Variants in DOCK9 observed in about 807,000 individuals in gnomAD.
The protein encoded by DOCK9 is dedicator of cytokinesis protein 9.
A neutral mutation model predicts 263.3 loss-of-function variants in DOCK9; 89 were observed. The ratio of observed to expected loss-of-function variants is 0.34; its 90% confidence interval spans 0.28 to 0.40. The LOEUF (loss-of-function observed/expected upper bound fraction) is 0.40. DOCK9 is among the 10% of genes least tolerant of loss of function. The probability of loss-of-function intolerance (pLI) is 1.00; values close to 1 mark genes in which losing one functional copy is unlikely to be tolerated. For missense variants in DOCK9, 2,140 were observed against 2,603.4 expected (o/e 0.82, Z 3.87); for synonymous variants, 976 against 973.1 (o/e 1.00, Z -0.06).
At chr13:98,899,609 T>C (rs1037947386) in intron 13 of DOCK9, among the ~76,000 whole-genome samples, 1 of 152,124 alleles carries the variant, frequency 6.6e-6, no homozygotes, top group Non-Finnish European at 1.5e-5. Context: ...GGTGTATGAG[T>C]TATAGGGTAC....
chr13:99,051,322 C>T (rs2040685027), intron 1 of DOCK9, among the ~76,000 whole-genome samples: 1 of 151,998 alleles, frequency 6.6e-6, no homozygotes, highest in African/African-American at 2.4e-5. Flanking sequence ...CTGCTTGAGC[C>T]CACAATGCAG....
intron 13 of DOCK9, 120 bp downstream of exon 13, chr13:98,901,658 C>A (rs1297750548): frequency 1.7e-5 from 20 of 1,159,942 alleles, no homozygotes; most frequent in Non-Finnish European, 2.2e-5. Flanking sequence ...GTAGCATATT[C>A]TACATCTTTT....
At chr13:98,877,196 C>T (rs2043994187) in intron 27 of DOCK9, among the ~76,000 whole-genome samples, 1 of 152,220 alleles carries the variant, frequency 6.6e-6, no homozygotes, top group Admixed American at 6.5e-5. Flanking sequence ...TTGTGTGACC[C>T]TGGGCAGGTC....
At chr13:98,951,883 CT>C (rs1376355882) in intron 2 of DOCK9, among the ~76,000 whole-genome samples, 1 of 147,574 alleles carries the variant, frequency 6.8e-6, no homozygotes, top group Non-Finnish European at 1.5e-5. Context: ...ATCACATGTA[CT>C]TTACTTCATT....
chr13:98,834,048 T>G (rs1400051838), intron 39 of DOCK9, among the ~76,000 whole-genome samples: 1 of 152,220 alleles, frequency 6.6e-6, no homozygotes, highest in Non-Finnish European at 1.5e-5. Context: ...ATTAGAATAA[T>G]ATAAAGGCAT....
At chr13:99,062,601 G>T (rs1221519961) in intron 1 of DOCK9, among the ~76,000 whole-genome samples, 1 of 152,200 alleles carries the variant, frequency 6.6e-6, no homozygotes, top group Non-Finnish European at 1.5e-5. Flanking sequence ...GCACTTGTCT[G>T]CATTCGCTCC....
Position 98,888,385 on chromosome 13 carries a change from T to C in DOCK9, c.1952A>G (p.Tyr651Cys), listed in dbSNP as rs1187294513. 6.2e-7 allele frequency: 1 copy of C among 1,613,690 alleles called. No homozygotes were observed. Among genetic ancestry groups the C allele is most frequent in the Non-Finnish European group, 8.5e-7 (1 of 1,179,686 alleles). The change falls in exon 17 of 53, where the codon TAC (tyrosine) becomes TGC (cysteine). Residue 651 changes from tyrosine (Y) to cysteine (C), a missense_variant. Physicochemically the swap from Tyr to Cys is radical, Grantham distance 194 (BLOSUM62 -2). Around this residue, in one of 2 missense-constraint regions of DOCK9, gnomAD observed 1,521 missense variants for 1,741.7 expected, o/e 0.87. Coordinates refer to ENST00000682017, the MANE Select transcript of DOCK9 (RefSeq NM_001366683.2). The stretch of plus-strand genomic sequence containing the variant: ...CTTGGCAAAAGACTTCTGACTGTCG[T>C]ATTTCAAGTACTTAGGATAAACGTA... ...HLYVYPKYLK[Y>C]DSQKSFAKAR...
At chr13:99,040,986 C>A (rs985276738) in intron 1 of DOCK9, among the ~76,000 whole-genome samples, 6 of 152,168 alleles carry the variant, frequency 3.9e-5, no homozygotes, top group Non-Finnish European at 8.8e-5. Context: ...GTGGGCCCTG[C>A]AGAACCTTTT....
intron 2 of DOCK9, among the ~76,000 whole-genome samples, chr13:98,947,904 C>A (rs1303393795): frequency 1.3e-5 from 2 of 152,156 alleles, no homozygotes; most frequent in Non-Finnish European, 2.9e-5. Flanking sequence ...ACACTGTTGG[C>A]CACTGAATTC....
chr13:98,806,273 A>G (rs1324225413), intron 48 of DOCK9, among the ~76,000 whole-genome samples: 2 of 152,272 alleles, frequency 1.3e-5, no homozygotes, highest in African/African-American at 4.8e-5. Flanking sequence ...TATTTAACAT[A>G]TAAATGCTTT....
At chr13:98,885,156 CA>C in intron 20 of DOCK9, 64 bp from the exon 21 acceptor site, 1 of 1,584,004 alleles carries the variant, frequency 6.3e-7, no homozygotes, top group Non-Finnish European at 8.6e-7. Flanking sequence ...CTTATGAAAG[CA>C]AGCCAATGTA....
chr13:98,850,436 G>C (rs533069006), intron 35 of DOCK9, among the ~76,000 whole-genome samples: 3 of 152,144 alleles, frequency 2.0e-5, no homozygotes, highest in Non-Finnish European at 4.4e-5. Flanking sequence ...AATACAAGTG[G>C]ACATATAACC....
At chr13:98,957,757 C>T (rs2058218212) in intron 1 of DOCK9, among the ~76,000 whole-genome samples, 1 of 152,182 alleles carries the variant, frequency 6.6e-6, no homozygotes, top group Non-Finnish European at 1.5e-5. Context: ...GAACCGTAAC[C>T]ATATTCCTAA....
chr13:98,925,956 A>C, intron 3 of DOCK9, 37 bp from the exon 4 acceptor site: 2 of 1,485,694 alleles, frequency 1.3e-6, no homozygotes, highest in Non-Finnish European at 1.8e-6. Context: ...AAAATAAAAA[A>C]CAGAAAGACG....
chr13:98,949,568 T>C (rs1411701958), intron 2 of DOCK9, among the ~76,000 whole-genome samples: 1 of 152,342 alleles, frequency 6.6e-6, no homozygotes, highest in Middle Eastern at 3.4e-3. Flanking sequence ...GTGTCTGCCA[T>C]GAACATCACC....
rs542737038 is a variant in DOCK9 at position 98,816,474 on chromosome 13, G to A, written c.5131-6183C>T. Among the ~76,000 whole-genome samples, 155 of 152,150 alleles carry A rather than the reference G, an allele frequency of 1.0e-3. 1 individual carries two copies. Among genetic ancestry groups the A allele is most frequent in the African/African-American group, 3.5e-3 (145 of 41,528 alleles). On this transcript the variant is annotated intron_variant, in intron 45 of 52. Coordinates refer to ENST00000682017, the MANE Select transcript of DOCK9 (RefSeq NM_001366683.2). ...AACAGTAGTCAGTGAGTCCCTGGGC[G>A]GTAGTGAGGTCAGGTGAAGAAAGAA...
chr13:98,813,404 AT>A (rs1375137162), intron 45 of DOCK9, among the ~76,000 whole-genome samples: 3 of 151,938 alleles, frequency 2.0e-5, no homozygotes, highest in Non-Finnish European at 4.4e-5. Context: ...TCTATTTCTC[AT>A]TTTTTTAAAA....
At chr13:99,004,947 C>T (rs1417599831) in intron 1 of DOCK9, among the ~76,000 whole-genome samples, 2 of 152,016 alleles carry the variant, frequency 1.3e-5, no homozygotes, top group Admixed American at 6.6e-5. Context: ...CCAGAATGTA[C>T]TCTTCATCTA....
At position 98,925,891 on chromosome 13, in the gene DOCK9, T is replaced by A. The variant is rs1194055906; in HGVS notation, c.362A>T (p.His121Leu). ...ECIKTYNSDWHLVNYKYEDYS... is the reference protein window; with the variant it reads ...ECIKTYNSDWLLVNYKYEDYS... The stretch of plus-strand genomic sequence containing the variant: ...ATCTTCATATTTATAGTTCACAAGA[T>A]GCCAGTCAGAGTTATAGGTTTTGAT... The change falls in exon 4 of 53, where the codon CAT becomes CTT. Residue 121 changes from histidine to leucine, a missense_variant. Around this residue, in one of 2 missense-constraint regions of DOCK9, gnomAD observed 1,521 missense variants for 1,741.7 expected, o/e 0.87. Transcript: ENST00000682017. The A allele has an allele frequency of 6.3e-7, 1 of 1,588,328 alleles. No homozygotes were observed. The highest frequency in any genetic ancestry group is 8.6e-7 in the Non-Finnish European group (1 of 1,166,732).
Sources: allele counts gnomAD v4.1 joint callset (sites outside exome capture counted in the v4.1 genomes callset), GRCh38; gene constraint gnomAD v4.1.1; regional missense constraint gnomAD v4.1.1; transcripts MANE v1.5; gene names NCBI Gene and HGNC (gene_info 2026-07-23, HGNC 2026-07-21).